The following VPS13D variants were observed in gnomAD, a reference collection of about 807,000 sequenced individuals.
VPS13D encodes vacuolar protein sorting 13 homolog D.
In VPS13D, 187 loss-of-function variants were observed where a neutral mutation model predicts 461.9. The ratio of observed to expected loss-of-function variants is 0.40; its 90% CI spans 0.36 to 0.46. The LOEUF (loss-of-function observed/expected upper bound fraction) is 0.46, where lower values mean the gene tolerates loss of function less well. Among genes scored for constraint, VPS13D ranks in the 20% least tolerant of loss-of-function variants. The pLI, the probability that VPS13D is intolerant of heterozygous loss-of-function variation, is 0.60. For missense variants in VPS13D, 4,711 were observed against 5,364.9 expected (o/e 0.88, Z 3.81); for synonymous variants, 1,951 against 1,986.3 (o/e 0.98, Z 0.47).
At chr1:12,400,370 G>A in intron 61 of VPS13D, 40 bp downstream of exon 61, 2 of 1,606,706 alleles carry the variant, frequency 1.2e-6, no homozygotes, top group Non-Finnish European at 8.5e-7. Flanking sequence ...ATGCCATGCT[G>A]GAACGTTGAT....
Position 12,331,146 on chromosome 1 carries a change from G to A in VPS13D, c.8287+1228G>A, listed in dbSNP as rs190254095. Among the ~76,000 whole-genome samples the A allele has an allele frequency of 4.6e-5, 7 of 152,194 alleles. No individual in the cohort carries two copies. In the East Asian group the frequency reaches 1.3e-3, roughly 29 times the overall value. On this transcript the variant is annotated intron_variant, in intron 37 of 69. Coordinates refer to ENST00000620676, the MANE Select transcript of VPS13D (RefSeq NM_015378.4). ...AAATTCAGAAGCCATAATATATTAG[G>A]GCCAAGTGGTTTGAGCAGTGAACTT...
intron 32 of VPS13D, among the ~76,000 whole-genome samples, 183 bp from the exon 33 acceptor site, chr1:12,321,626 A>AC (rs1405626655): frequency 2.6e-5 from 4 of 151,978 alleles, no homozygotes; most frequent in African/African-American, 9.7e-5. Context: ...CTCTGGGTGA[A>AC]CCACTGCGTG....
intron 67 of VPS13D, among the ~76,000 whole-genome samples, chr1:12,466,748 G>A (rs1645489255): frequency 1.3e-5 from 2 of 152,212 alleles, no homozygotes; most frequent in Non-Finnish European, 2.9e-5. Flanking sequence ...GGGCATATCT[G>A]TCTTTTGGCT....
chr1:12,253,222 T>C (rs1640798675), intron 6 of VPS13D, among the ~76,000 whole-genome samples: 1 of 152,140 alleles, frequency 6.6e-6, no homozygotes, highest in African/African-American at 2.4e-5. Flanking sequence ...TATTAGTTAT[T>C]ATAAGTAATC....
chr1:12,369,937 C>T (rs1299962155), intron 54 of VPS13D, among the ~76,000 whole-genome samples: 3 of 152,060 alleles, frequency 2.0e-5, no homozygotes, highest in Non-Finnish European at 2.9e-5. Flanking sequence ...AAGATCTCTC[C>T]CAAGAATTCA....
Position 12,383,160 on chromosome 1 carries a change from T to C in VPS13D, c.11370+5T>C. On this transcript the variant is annotated splice_donor_5th_base_variant and intron_variant, in intron 58 of 69. Transcript: ENST00000620676. ...GGACCAACTAGAGCACTCCAGGTGA[T>C]AATTTGTCATAAGAGCTGATGTGAA... 4 of 1,608,032 alleles carry C rather than the reference T, an allele frequency of 2.5e-6. No homozygotes were observed. The highest frequency in any genetic ancestry group is 3.4e-6 in the Non-Finnish European group (4 of 1,177,610).
chr1:12,330,654 G>A (rs1643306603), intron 37 of VPS13D, among the ~76,000 whole-genome samples: 1 of 151,924 alleles, frequency 6.6e-6, no homozygotes, highest in Admixed American at 6.6e-5. Flanking sequence ...TGCAACTTCT[G>A]CCTCCAAGTT....
rs145023496 is a variant in VPS13D, at chr1:12,288,040, G to A, written c.5635-183G>A. 4.7e-4 allele frequency among the ~76,000 whole-genome samples: 71 copies of A among 152,286 alleles called. No individual in the cohort carries two copies. The East Asian group carries it at 0.013, about 29-fold the overall frequency. On this transcript the variant is annotated intron_variant, in intron 21 of 69. Transcript: ENST00000620676. The stretch of plus-strand genomic sequence containing the variant: ...CTGAAATTTAGACTGTCCAGTCTCC[G>A]CCCTGTCCTCAGGTCGTGGTTTCTC...
rs1225319321 is a variant in VPS13D, at chr1:12,247,044, A to G, written c.448-2179A>G. ...GGTAACTCTGTTTACTTTTTGAGGA[A>G]CTACCAAACTGTTTTCCAAAGAGGC... On this transcript the variant is annotated intron_variant, in intron 5 of 69. Coordinates refer to ENST00000620676, the MANE Select transcript of VPS13D (RefSeq NM_015378.4). 4.6e-5 allele frequency among the ~76,000 whole-genome samples: 7 copies of G among 152,172 alleles called. No individual in the cohort carries two copies. In the South Asian group the frequency reaches 1.2e-3, roughly 27 times the overall value.
At chr1:12,446,766 G>A (rs973952181) in intron 65 of VPS13D, among the ~76,000 whole-genome samples, 1 of 152,166 alleles carries the variant, frequency 6.6e-6, no homozygotes, top group African/African-American at 2.4e-5. Context: ...GGTGGAAGAG[G>A]AGACCTCTCC....
intron 55 of VPS13D, among the ~76,000 whole-genome samples, chr1:12,377,879 A>G (rs1019400329): frequency 2.1e-4 from 32 of 151,922 alleles, no homozygotes; most frequent in African/African-American, 6.5e-4. Context: ...CTTGAATACA[A>G]CCAACTTAAC....
At chr1:12,249,659 C>T (rs1640670966) in intron 6 of VPS13D, 1 of 175,986 alleles carries the variant, frequency 5.7e-6, no homozygotes, top group Non-Finnish European at 1.2e-5. Flanking sequence ...ATAGTTGTAG[C>T]TACCACCTGG....
At chr1:12,281,263 A>G (rs917211227) in intron 20 of VPS13D, among the ~76,000 whole-genome samples, 3 of 152,184 alleles carry the variant, frequency 2.0e-5, no homozygotes, top group African/African-American at 7.2e-5. Context: ...ATTTTGGATC[A>G]TTTCAAAAAT....
In VPS13D at chr1:12,271,027, T is replaced by G; in HGVS notation, c.2006T>G (p.Val669Gly). The change falls in exon 17 of 70, where the codon GTG (valine) becomes GGG (glycine). Residue 669 changes from valine (V) to glycine (G), a missense_variant. Val to Gly is a moderately radical substitution (Grantham distance 109). This residue lies in a region of VPS13D where 4,411 missense variants were observed against 4,937.8 expected (regional missense o/e 0.89). Transcript: ENST00000620676. ...TATCAGTCTGAACTTGAGCTGAGAG[T>G]GGCTGAAGCTGCCCGAAGACAATAT... ...FGYQSELELRVAEAARRQYNK... is the reference protein window; with the variant it reads ...FGYQSELELRGAEAARRQYNK... 6.2e-7 allele frequency: 1 copy of G among 1,613,804 alleles called. No homozygotes were observed. Among genetic ancestry groups the G allele is most frequent in the Non-Finnish European group, 8.5e-7 (1 of 1,179,854 alleles).
chr1:12,354,726 T>A (rs1461881610), intron 47 of VPS13D, among the ~76,000 whole-genome samples: 1 of 152,224 alleles, frequency 6.6e-6, no homozygotes, highest in Non-Finnish European at 1.5e-5. Flanking sequence ...ATTGAAAGTA[T>A]AAACGTTTGC....
At chr1:12,274,642 G>A (rs1471595777) in intron 18 of VPS13D, among the ~76,000 whole-genome samples, 6 of 152,294 alleles carry the variant, frequency 3.9e-5, no homozygotes, top group African/African-American at 4.8e-5. Context: ...TTGTCTTGGC[G>A]CACTGCTCAG....
intron 18 of VPS13D, among the ~76,000 whole-genome samples, chr1:12,274,431 C>T (rs569194958): frequency 1.3e-5 from 2 of 152,136 alleles, no homozygotes; most frequent in Non-Finnish European, 2.9e-5. Context: ...CCTGTCTTGG[C>T]GACCCAAAGT....
intron 63 of VPS13D, among the ~76,000 whole-genome samples, chr1:12,408,050 G>A (rs998884809): frequency 8.5e-5 from 13 of 152,110 alleles, no homozygotes; most frequent in Non-Finnish European, 1.3e-4. Flanking sequence ...CTTACTGAAC[G>A]TTCACTCAGT....
chr1:12,462,364 A>C (rs1472630996), intron 67 of VPS13D, among the ~76,000 whole-genome samples: 1 of 152,200 alleles, frequency 6.6e-6, no homozygotes, highest in East Asian at 1.9e-4. Context: ...GGTGAAGAGA[A>C]GAGAGAATCA....
Sources: allele counts gnomAD v4.1 joint callset (sites outside exome capture counted in the v4.1 genomes callset), GRCh38; gene constraint gnomAD v4.1.1; regional missense constraint gnomAD v4.1.1; transcripts MANE v1.5; gene names NCBI Gene and HGNC (gene_info 2026-07-23, HGNC 2026-07-21).